COG5: variants seen among roughly 807,000 people sequenced by gnomAD.
COG5 encodes component of oligomeric golgi complex 5.
In COG5, 86 loss-of-function variants were observed where a neutral mutation model predicts 110.4. The ratio of observed to expected loss-of-function variants is 0.78; its 90% CI spans 0.65 to 0.93. COG5 has a LOEUF of 0.93. COG5 is among the 40% of genes least tolerant of loss of function. The probability of loss-of-function intolerance (pLI) is 0.00; values close to 1 mark genes in which losing one functional copy is unlikely to be tolerated. For missense variants in COG5, 1,077 were observed against 987.0 expected (o/e 1.09, Z -1.22); for synonymous variants, 360 against 334.6 (o/e 1.08, Z -0.83).
Position 107,415,806 on chromosome 7 carries a change from A to G in COG5, c.539-3174T>C, listed in dbSNP as rs777531446. Among the ~76,000 whole-genome samples, 377 of 112,184 alleles carry G rather than the reference A, an allele frequency of 3.4e-3. 17 individuals are homozygous for G. The highest frequency in any genetic ancestry group is 5.2e-3 in the Non-Finnish European group (255 of 48,650). The allele number at this position is 112,184 out of a possible 152,430, so 73.6% of individuals were successfully genotyped here. On this transcript the variant is annotated intron_variant, in intron 6 of 21. Coordinates refer to ENST00000297135, the MANE Select transcript of COG5 (RefSeq NM_006348.5). ...CATACACGTATGTATGTATGTGTGT[A>G]TATATACACACATACACGTATGTAT...
intron 17 of COG5, among the ~76,000 whole-genome samples, chr7:107,247,029 C>T (rs552053273): frequency 2.0e-5 from 3 of 152,310 alleles, no homozygotes; most frequent in Non-Finnish European, 4.4e-5. Flanking sequence ...CCATGGAATA[C>T]TATGCAGCCA....
intron 1 of COG5, among the ~76,000 whole-genome samples, chr7:107,561,771 TC>T (rs1425087755): frequency 6.6e-6 from 1 of 152,132 alleles, no homozygotes; most frequent in African/African-American, 2.4e-5. Context: ...GGTCAGGAGA[TC>T]GAGACCATCC....
chr7:107,543,333 T>C (rs953395835), intron 5 of COG5, among the ~76,000 whole-genome samples: 1 of 152,100 alleles, frequency 6.6e-6, no homozygotes, highest in Non-Finnish European at 1.5e-5. Context: ...AGATGCTCGT[T>C]GAGGAGAGAA....
intron 8 of COG5, among the ~76,000 whole-genome samples, chr7:107,367,118 G>A (rs1226156672): frequency 6.6e-6 from 1 of 151,782 alleles, no homozygotes; most frequent in African/African-American, 2.4e-5. Flanking sequence ...ATTCAGTGGG[G>A]GAAGAAAAAC....
chr7:107,518,359 A>G (rs1211771287), intron 6 of COG5, among the ~76,000 whole-genome samples: 1 of 152,164 alleles, frequency 6.6e-6, no homozygotes, highest in African/African-American at 2.4e-5. Flanking sequence ...AAAGGTACAG[A>G]CTGGCAAATT....
chr7:107,504,712 C>T (rs1400099730), intron 6 of COG5, among the ~76,000 whole-genome samples: 3 of 152,046 alleles, frequency 2.0e-5, no homozygotes, highest in Admixed American at 6.6e-5. Flanking sequence ...TCTATTTCTT[C>T]CGGATTTAAT....
intron 18 of COG5, among the ~76,000 whole-genome samples, chr7:107,234,166 C>A (rs1284789899): frequency 5.9e-5 from 9 of 152,170 alleles, no homozygotes; most frequent in Non-Finnish European, 1.2e-4. Flanking sequence ...ATCTGCTTTT[C>A]AATACCACAC....
chr7:107,317,821 T>C (rs921154169), intron 11 of COG5, among the ~76,000 whole-genome samples: 6 of 152,146 alleles, frequency 3.9e-5, no homozygotes, highest in African/African-American at 9.7e-5. Context: ...GGAATTAACA[T>C]AGATGTTAGA....
At chr7:107,214,543 T>C (rs1799387194) in intron 19 of COG5, among the ~76,000 whole-genome samples, 1 of 152,314 alleles carries the variant, frequency 6.6e-6, no homozygotes, top group Non-Finnish European at 1.5e-5. Context: ...ATAAATAATA[T>C]AGAGTCATAC....
intron 3 of COG5, among the ~76,000 whole-genome samples, chr7:107,548,861 AG>A (rs1802665205): frequency 6.6e-6 from 1 of 152,218 alleles, no homozygotes; most frequent in Non-Finnish European, 1.5e-5. Context: ...AAATATTTCC[AG>A]GAAGATCAAG....
intron 6 of COG5, among the ~76,000 whole-genome samples, chr7:107,436,184 T>C (rs900778942): frequency 6.6e-6 from 1 of 152,162 alleles, no homozygotes; most frequent in Admixed American, 6.5e-5. Flanking sequence ...TTATTCACAG[T>C]AGCCAAGACA....
At chr7:107,336,398 A>G (rs936027058) in intron 10 of COG5, among the ~76,000 whole-genome samples, 3 of 147,828 alleles carry the variant, frequency 2.0e-5, no homozygotes, top group Non-Finnish European at 4.4e-5. Context: ...AAAATCGAGG[A>G]GAGAGAGACA....
At chr7:107,288,474 G>C (rs1045392103) in intron 12 of COG5, among the ~76,000 whole-genome samples, 2 of 152,082 alleles carry the variant, frequency 1.3e-5, no homozygotes, top group Non-Finnish European at 2.9e-5. Flanking sequence ...GACAACACTT[G>C]CTACTATTTG....
At chr7:107,338,277 T>C (rs924318265) in intron 10 of COG5, among the ~76,000 whole-genome samples, 1 of 152,070 alleles carries the variant, frequency 6.6e-6, no homozygotes, top group Non-Finnish European at 1.5e-5. Context: ...CAAAACAGTA[T>C]GGTACCGGTA....
chr7:107,344,919 G>T (rs1448858187), intron 10 of COG5, among the ~76,000 whole-genome samples: 1 of 152,098 alleles, frequency 6.6e-6, no homozygotes, highest in East Asian at 1.9e-4. Flanking sequence ...TGGCTAATTA[G>T]TATAAGAAAC....
intron 17 of COG5, among the ~76,000 whole-genome samples, chr7:107,238,687 A>G (rs1175535132): frequency 1.3e-5 from 2 of 152,260 alleles, no homozygotes; most frequent in Non-Finnish European, 2.9e-5. Flanking sequence ...TGATAAGTCA[A>G]TTCTGACAGG....
At chr7:107,346,750 T>A (rs1321905771) in intron 10 of COG5, among the ~76,000 whole-genome samples, 3 of 152,004 alleles carry the variant, frequency 2.0e-5, no homozygotes, top group African/African-American at 7.3e-5. Flanking sequence ...ATGTGCACAA[T>A]CTGCAGGTTT....
chr7:107,512,755 C>T (rs201378806), intron 6 of COG5, among the ~76,000 whole-genome samples: 1 of 151,988 alleles, frequency 6.6e-6, no homozygotes, highest in African/African-American at 2.4e-5. Flanking sequence ...TATCTACAAC[C>T]ATCTGATCTT....
chr7:107,452,510 C>T (rs1304607672), intron 6 of COG5, among the ~76,000 whole-genome samples: 1 of 152,078 alleles, frequency 6.6e-6, no homozygotes, highest in Non-Finnish European at 1.5e-5. Context: ...ATGCTGTTCT[C>T]TTGATAGTGA....
Sources: allele counts gnomAD v4.1 joint callset (sites outside exome capture counted in the v4.1 genomes callset), GRCh38; gene constraint gnomAD v4.1.1; transcripts MANE v1.5; gene names NCBI Gene and HGNC (gene_info 2026-07-23, HGNC 2026-07-21).